ADGRL2: variants seen among roughly 807,000 people sequenced by gnomAD.
The protein encoded by ADGRL2 is calcium-independent alpha-latrotoxin receptor 2.
Under a neutral mutation model 157.4 loss-of-function variants are expected in ADGRL2, and 44 were observed. The ratio of observed to expected loss-of-function variants is 0.28; its 90% confidence interval spans 0.22 to 0.36. ADGRL2 has a LOEUF of 0.36. Among genes scored for constraint, ADGRL2 ranks in the 10% least tolerant of loss-of-function variants. The pLI, the probability that ADGRL2 is intolerant of heterozygous loss-of-function variation, is 1.00. For missense variants in ADGRL2, 1,510 were observed against 1,768.9 expected (o/e 0.85, Z 2.63); for synonymous variants, 585 against 624.7 (o/e 0.94, Z 0.95).
At position 81,517,879 on chromosome 1, in the gene ADGRL2, A is replaced by G. The variant is rs922041932; in HGVS notation, c.-247-62997A>G. The stretch of plus-strand genomic sequence containing the variant: ...AGAGGGGCGTTACAAATCCCACCCA[A>G]TAATTCTCACCCACCAGTTTCTGAG... On this transcript the variant is annotated intron_variant, in intron 2 of 24. Transcript: ENST00000370721. Among the ~76,000 whole-genome samples, 6 of 152,312 alleles carry G rather than the reference A, an allele frequency of 3.9e-5. No individual in the cohort carries two copies. The East Asian group carries it at 1.2e-3, about 29-fold the overall frequency.
At chr1:81,889,259 G>T (rs182270894) in intron 2 of ADGRL2, among the ~76,000 whole-genome samples, 2 of 152,340 alleles carry the variant, frequency 1.3e-5, no homozygotes, top group East Asian at 3.9e-4. Flanking sequence ...GGCCTCTTGT[G>T]CCAGTTAGCC....
At chr1:81,307,400 A>G (rs886255837) in intron 1 of ADGRL2, among the ~76,000 whole-genome samples, 16 of 152,186 alleles carry the variant, frequency 1.1e-4, no homozygotes, top group Non-Finnish European at 2.4e-4. Flanking sequence ...AGTCATATCA[A>G]TTTTAAAACA....
In ADGRL2 at chr1:81,950,913, G is replaced by A. The variant is rs563827647; in HGVS notation, c.1505-105G>A. ...CTTATTGTCAAATACTTGCATTAGA[G>A]TTTATTCAAAATTTAACACGCAGAG... On this transcript the variant is annotated intron_variant, in intron 7 of 23. Coordinates refer to ENST00000686636, the MANE Select transcript of ADGRL2 (RefSeq NM_001366006.2). The A allele has an allele frequency of 6.1e-4, 447 of 729,410 alleles. 2 individuals are homozygous for A. The highest frequency in any genetic ancestry group is 9.4e-4 in the Non-Finnish European group (380 of 405,920). 45.2% of individuals were successfully genotyped at this position (729,410 alleles called of 1,614,324 possible).
chr1:81,889,974 A>C (rs766017537), intron 2 of ADGRL2, among the ~76,000 whole-genome samples: 21 of 152,346 alleles, frequency 1.4e-4, no homozygotes, highest in South Asian at 2.1e-4. Flanking sequence ...CCTCTGCTTT[A>C]ATGCTCCTCA....
intron 2 of ADGRL2, among the ~76,000 whole-genome samples, chr1:81,883,692 A>G (rs978409626): frequency 1.3e-5 from 2 of 151,914 alleles, no homozygotes; most frequent in African/African-American, 4.8e-5. Flanking sequence ...GTTCAACTAT[A>G]TTGTTTTTCT....
intron 1 of ADGRL2, among the ~76,000 whole-genome samples, chr1:81,728,830 G>T (rs2084626404): frequency 6.6e-6 from 1 of 152,010 alleles, no homozygotes; most frequent in Admixed American, 6.6e-5. Flanking sequence ...TCCTATTCAA[G>T]CACTTAACTA....
chr1:81,896,309 A>T (rs1393699321), intron 2 of ADGRL2, among the ~76,000 whole-genome samples: 2 of 98,402 alleles, frequency 2.0e-5, no homozygotes, highest in Non-Finnish European at 5.5e-5. Flanking sequence ...ACTAGTTATA[A>T]AAAAAAATAA....
chr1:81,796,704 G>C (rs1437302452), upstream of ADGRL2, among the ~76,000 whole-genome samples: 1 of 152,116 alleles, frequency 6.6e-6, no homozygotes, highest in African/African-American at 2.4e-5. Context: ...TGAACTAGTG[G>C]ATGCTTTTTT....
intron 2 of ADGRL2, among the ~76,000 whole-genome samples, chr1:81,786,309 G>A (rs1477807134): frequency 6.6e-6 from 1 of 152,184 alleles, no homozygotes; most frequent in Non-Finnish European, 1.5e-5. Context: ...CAGGTACAAT[G>A]GCTCACGCCA....
intron 2 of ADGRL2, among the ~76,000 whole-genome samples, chr1:81,901,241 G>A (rs772996402): frequency 2.3e-4 from 35 of 151,870 alleles, no homozygotes; most frequent in Non-Finnish European, 4.9e-4. Flanking sequence ...TTACAAATAC[G>A]TTCAAAAATC....
Position 81,993,439 on chromosome 1 carries a change from A to T in ADGRL2, c.*2294A>T, listed in dbSNP as rs1194262467. On this transcript the variant is annotated 3_prime_UTR_variant, in exon 24 of 24. Coordinates refer to ENST00000686636, the MANE Select transcript of ADGRL2 (RefSeq NM_001366006.2). ...TCAGTAATAAATTTTTTTAAAGGCA[A>T]CACTGATTATTCAGTTAGTCCTATT... 2.0e-5 allele frequency among the ~76,000 whole-genome samples: 3 copies of T among 151,980 alleles called. No individual in the cohort carries two copies. The highest frequency in any genetic ancestry group is 1.3e-4 in the Admixed American group (2 of 15,242).
chr1:81,809,695 G>A (rs1028912259), intron 1 of ADGRL2, among the ~76,000 whole-genome samples: 1 of 151,802 alleles, frequency 6.6e-6, no homozygotes, highest in Admixed American at 6.6e-5. Context: ...CCCCTTTCTT[G>A]GTCACACATA....
intron 3 of ADGRL2, among the ~76,000 whole-genome samples, chr1:81,910,162 C>A (rs1395993005): frequency 6.6e-6 from 1 of 151,566 alleles, no homozygotes; most frequent in Non-Finnish European, 1.5e-5. Context: ...ATCTGTTGAA[C>A]CCAAGAGACG....
At chr1:81,926,413 A>G (rs1248798845) in intron 3 of ADGRL2, among the ~76,000 whole-genome samples, 2 of 152,148 alleles carry the variant, frequency 1.3e-5, no homozygotes, top group Admixed American at 1.3e-4. Flanking sequence ...CTGCAAGGTC[A>G]TGTCTTATTA....
chr1:81,614,466 T>C lies in ADGRL2; in HGVS notation c.-143+33486T>C, dbSNP rs548461431. Among the ~76,000 whole-genome samples the C allele has an allele frequency of 4.6e-5, 7 of 152,326 alleles. No individual in the cohort carries two copies. The South Asian group carries it at 1.4e-3, about 32-fold the overall frequency. Reference sequence around the variant, plus strand: ...CTTCTGCAATCAGGCTGCATGGCATTAAAATCTCTTCTTTATTGCATAGAA... The same window carrying C: ...CTTCTGCAATCAGGCTGCATGGCATCAAAATCTCTTCTTTATTGCATAGAA... On this transcript the variant is annotated intron_variant, in intron 3 of 24. Coordinates refer to the ADGRL2 transcript ENST00000370721.
chr1:81,984,785 T>C lies in ADGRL2; in HGVS notation c.3411+74T>C, dbSNP rs372272693. On this transcript the variant is annotated intron_variant, in intron 20 of 23. Coordinates refer to ENST00000686636, the MANE Select transcript of ADGRL2 (RefSeq NM_001366006.2). ...CCTACTGAGACATGTTCTGTTCAGA[T>C]GCACTAATTGTCTTCTCATTATAAT... 1.1e-4 allele frequency: 163 copies of C among 1,451,068 alleles called. No homozygotes were observed. The East Asian group carries it at 2.4e-3, about 21-fold the overall frequency. The allele number at this position is 1,451,068 out of a possible 1,614,324, so 89.9% of individuals were successfully genotyped here. A position where few individuals can be genotyped will look rare whatever the true frequency, so the allele number is the denominator to read the frequency against.
At chr1:81,837,528 G>A (rs895677589) in intron 2 of ADGRL2, among the ~76,000 whole-genome samples, 5 of 150,872 alleles carry the variant, frequency 3.3e-5, no homozygotes, top group African/African-American at 1.2e-4. Context: ...ATCTTTAGCT[G>A]TATATGTGTG....
intron 1 of ADGRL2, among the ~76,000 whole-genome samples, chr1:81,419,747 C>A (rs189068365): frequency 1.2e-4 from 18 of 152,122 alleles, no homozygotes; most frequent in Admixed American, 2.0e-4. Flanking sequence ...AGAAGTCTGA[C>A]CCTGGCTTTG....
intron 1 of ADGRL2, among the ~76,000 whole-genome samples, chr1:81,333,233 G>A (rs576601905): frequency 4.2e-4 from 64 of 152,120 alleles, no homozygotes; most frequent in Non-Finnish European, 6.0e-4. Context: ...TGCCGACCTG[G>A]GCTTCTATCC....
Sources: allele counts gnomAD v4.1 joint callset (sites outside exome capture counted in the v4.1 genomes callset), GRCh38; gene constraint gnomAD v4.1.1; transcripts MANE v1.5; gene names NCBI Gene and HGNC (gene_info 2026-07-23, HGNC 2026-07-21).